TRAIP: variants seen among roughly 807,000 people sequenced by gnomAD.
The protein encoded by TRAIP is TRAF interacting protein.
A neutral mutation model predicts 65.0 loss-of-function variants in TRAIP; 37 were observed. The ratio of observed to expected loss-of-function variants is 0.57; its 90% CI spans 0.44 to 0.75. The LOEUF (loss-of-function observed/expected upper bound fraction) is 0.75, where lower values mean the gene tolerates loss of function less well. TRAIP is among the 30% of genes least tolerant of loss of function. The probability of loss-of-function intolerance (pLI) is 0.00; values close to 1 mark genes in which losing one functional copy is unlikely to be tolerated. For synonymous variants in TRAIP, 187 were observed against 219.1 expected, an observed-to-expected ratio of 0.85 and a Z score of 1.29; for missense variants, 481 against 579.4, an observed-to-expected ratio of 0.83 and a Z score of 1.74.
At chr3:49,844,415 T>C in intron 4 of TRAIP, 126 bp downstream of exon 4, 2 of 1,036,506 alleles carry the variant, frequency 1.9e-6, no homozygotes, top group Non-Finnish European at 2.9e-6. Flanking sequence ...AGCAGGACTC[T>C]TGGACATACA....
intron 9 of TRAIP, 118 bp downstream of exon 9, chr3:49,840,166 C>T (rs2081826734): frequency 8.4e-6 from 8 of 947,106 alleles, no homozygotes; most frequent in Non-Finnish European, 1.3e-5. Context: ...CAGGAGGATG[C>T]AGGGGCCCAG....
chr3:49,831,853 C>G, intron 11 of TRAIP, 63 bp downstream of exon 11: 16 of 1,452,976 alleles, frequency 1.1e-5, no homozygotes, highest in Non-Finnish European at 1.5e-5. Context: ...AGCACAGGGC[C>G]TGCAGAGCTG....
At position 49,848,199 on chromosome 3, in the gene TRAIP, G is replaced by A. The variant is rs775460755; in HGVS notation, c.100C>T (p.Leu34=). Residue 34 remains leucine (L), a splice_region_variant and synonymous_variant, in exon 2 of 15, where the codon CTA becomes TTA. Coordinates refer to ENST00000331456, the MANE Select transcript of TRAIP (RefSeq NM_005879.3). ...GGTGCTGTCTCAAACCACTGAATTA[G>A]GCTGGAATGAAAAGCAGAACAATAG... is the stretch of plus-strand genomic sequence containing the variant. ...HCGHTFHLQC[L]IQWFETAPSR... is the part of the protein sequence containing the mutation. 8.7e-6 allele frequency: 14 copies of A among 1,614,080 alleles called. No homozygotes were observed. In the East Asian group the frequency reaches 2.2e-4, roughly 26 times the overall value.
At position 49,832,606 on chromosome 3, in the gene TRAIP, GAGA is replaced by G. The variant is rs574201226; in HGVS notation, c.885-541_885-539del. ...CCACCACTCCCACATGCAGAAAAAG[GAGA>G]AGGAAATATTCCACATGTCAACCAT... On this transcript the variant is annotated intron_variant, in intron 10 of 14. Transcript: ENST00000331456. Among the ~76,000 whole-genome samples the G allele has an allele frequency of 2.4e-3, 354 of 146,838 alleles. 2 individuals are homozygous for G. Among genetic ancestry groups the G allele is most frequent in the African/African-American group, 8.6e-3 (343 of 39,752 alleles).
chr3:49,839,792 G>A lies in TRAIP; in HGVS notation c.864C>T (p.Val288=), dbSNP rs377353118. 4.1e-5 allele frequency: 66 copies of A among 1,614,086 alleles called. No homozygotes were observed. Among genetic ancestry groups the A allele is most frequent in the Middle Eastern group, 1.6e-4 (1 of 6,080 alleles). The change falls in exon 10 of 15, where the codon GTC becomes GTT. Residue 288 remains valine, a synonymous_variant. Coordinates refer to ENST00000331456, the MANE Select transcript of TRAIP (RefSeq NM_005879.3). ...CAAACCTCTCTAAAACCAGGCGGTC[G>A]ACAGTCTCACTGGCCACTGGTGGCA... is the stretch of plus-strand genomic sequence containing the variant. The part of the protein sequence containing the change: ...LNLPPVASET[V]DRLVLESPAP...
At chr3:49,832,863 C>T (rs980351282) in intron 10 of TRAIP, among the ~76,000 whole-genome samples, 1 of 152,070 alleles carries the variant, frequency 6.6e-6, no homozygotes, top group Non-Finnish European at 1.5e-5. Flanking sequence ...GATGCCTTCT[C>T]TCTTTCCTTC....
At chr3:49,830,576 A>G (rs2081722528) in intron 11 of TRAIP, among the ~76,000 whole-genome samples, 1 of 152,216 alleles carries the variant, frequency 6.6e-6, no homozygotes, top group African/African-American at 2.4e-5. Flanking sequence ...CACAGGGCCA[A>G]GCCATCTCCC....
At chr3:49,839,238 G>A (rs1006293049) in intron 10 of TRAIP, among the ~76,000 whole-genome samples, 6 of 151,644 alleles carry the variant, frequency 4.0e-5, no homozygotes, top group African/African-American at 1.5e-4. Context: ...GACAGGAGTT[G>A]TGTGCTTTCT....
intron 10 of TRAIP, 27 bp from the exon 11 acceptor site, chr3:49,832,095 T>G: frequency 3.9e-6 from 6 of 1,555,034 alleles, no homozygotes; most frequent in Non-Finnish European, 5.2e-6. Context: ...CCTGGTTACT[T>G]GGGGCCACAG....
At chr3:49,854,363 C>T in intron 1 of TRAIP, among the ~76,000 whole-genome samples, 1 of 152,082 alleles carries the variant, frequency 6.6e-6, no homozygotes, top group East Asian at 1.9e-4. Context: ...CACATACACA[C>T]AATTAAAATA....
At chr3:49,839,130 A>C (rs1347375432) in intron 10 of TRAIP, among the ~76,000 whole-genome samples, 1 of 151,680 alleles carries the variant, frequency 6.6e-6, no homozygotes, top group African/African-American at 2.4e-5. Context: ...CAGAGATTGC[A>C]GTGAGCCGAG....
rs137923072 is a variant in TRAIP, at chr3:49,843,443, C to T, written c.408+358G>A. 27 of 187,812 alleles carry T rather than the reference C, an allele frequency of 1.4e-4. No homozygotes were observed. The East Asian group carries it at 3.0e-3, about 21-fold the overall frequency. 11.6% of individuals were successfully genotyped at this position (187,812 alleles called of 1,614,324 possible). ...AGCAGCCCAGCCAAGGACTAGAGTG[C>T]TAATGGAAGGTTCTTCAGGCTGGCC... is the stretch of plus-strand genomic sequence containing the variant. On this transcript the variant is annotated intron_variant, in intron 5 of 14. Transcript: ENST00000331456.
chr3:49,846,267 T>C (rs1353750040), intron 3 of TRAIP, among the ~76,000 whole-genome samples: 1 of 152,110 alleles, frequency 6.6e-6, no homozygotes, highest in Admixed American at 6.6e-5. Context: ...GGGTCCCATG[T>C]TGCTCAGGCT....
chr3:49,854,248 C>A (rs988185081), intron 1 of TRAIP, among the ~76,000 whole-genome samples: 2 of 152,110 alleles, frequency 1.3e-5, no homozygotes, highest in Non-Finnish European at 2.9e-5. Context: ...TCGCTTGAGT[C>A]CAGGAGGTCA....
At chr3:49,853,121 CAA>C (rs749868575) in intron 1 of TRAIP, among the ~76,000 whole-genome samples, 9 of 91,798 alleles carry the variant, frequency 9.8e-5, no homozygotes, top group Admixed American at 4.9e-4. Context: ...GACTCTGTCT[CAA>C]AAAAAAAAAA....
chr3:49,844,134 T>G, intron 4 of TRAIP: 1 of 650,994 alleles, frequency 1.5e-6, no homozygotes, highest in Non-Finnish European at 2.5e-6. Flanking sequence ...AAAGCCCACC[T>G]TCTGCTGCTT....
chr3:49,828,972 C>A lies in TRAIP; in HGVS notation c.*131G>T. 2 of 1,290,138 alleles carry A rather than the reference C, an allele frequency of 1.6e-6. No homozygotes were observed. The highest frequency in any genetic ancestry group is 1.1e-6 in the Non-Finnish European group (1 of 908,808). The allele number at this position is 1,290,138 out of a possible 1,614,324, so 79.9% of individuals were successfully genotyped here. On this transcript the variant is annotated 3_prime_UTR_variant, in exon 15 of 15. Coordinates refer to ENST00000331456, the MANE Select transcript of TRAIP (RefSeq NM_005879.3). Reference sequence around the variant, plus strand: ...AGTCTCTGGGTGCCACACTCACCCTCACCTGTTTGTCTGCCCTTACACCTC... The same window carrying A: ...AGTCTCTGGGTGCCACACTCACCCTAACCTGTTTGTCTGCCCTTACACCTC...
intron 10 of TRAIP, among the ~76,000 whole-genome samples, chr3:49,836,411 C>T (rs2081786829): frequency 6.6e-6 from 1 of 151,854 alleles, no homozygotes; most frequent in Non-Finnish European, 1.5e-5. Context: ...AGAATCTCTT[C>T]AACCGGGAAG....
intron 10 of TRAIP, among the ~76,000 whole-genome samples, chr3:49,836,402 G>C (rs2081786744): frequency 6.6e-6 from 1 of 152,030 alleles, no homozygotes; most frequent in African/African-American, 2.4e-5. Flanking sequence ...TGAGGCAGGA[G>C]AATCTCTTCA....
Sources: allele counts gnomAD v4.1 joint callset (sites outside exome capture counted in the v4.1 genomes callset), GRCh38; gene constraint gnomAD v4.1.1; transcripts MANE v1.5; gene names NCBI Gene and HGNC (gene_info 2026-07-23, HGNC 2026-07-21).